Variants in ARHGAP42 observed in about 807,000 individuals in gnomAD.
The protein encoded by ARHGAP42 is rho GTPase-activating protein 42.
ARHGAP42 carries 63 observed loss-of-function variants against 125.0 expected under a neutral mutation model. The observed-to-expected ratio is 0.50, with a 90% CI of 0.41 to 0.62. ARHGAP42 has a LOEUF of 0.62. Among genes scored for constraint, ARHGAP42 ranks in the 20% least tolerant of loss-of-function variants. ARHGAP42 has a pLI of 0.00. For synonymous variants in ARHGAP42, 339 were observed against 351.0 expected (o/e 0.97, Z 0.38); for missense variants, 766 against 1,024.2 (o/e 0.75, Z 3.44).
intron 3 of ARHGAP42, among the ~76,000 whole-genome samples, chr11:100,851,270 A>C (rs1368003640): frequency 6.6e-6 from 1 of 152,198 alleles, no homozygotes; most frequent in Non-Finnish European, 1.5e-5. Flanking sequence ...AATGTTAGCT[A>C]TAAACATTAT....
intron 2 of ARHGAP42, among the ~76,000 whole-genome samples, chr11:100,779,530 G>GTATATACACGTA (rs1863230923): frequency 3.5e-5 from 4 of 114,842 alleles, no homozygotes; most frequent in East Asian, 2.8e-4. Flanking sequence ...GTATACATGC[G>GTATATACACGTA]TATATATACG....
rs538392168 is a variant in ARHGAP42 at position 100,971,273 on chromosome 11, A to C, written c.1551-1902A>C. The stretch of plus-strand genomic sequence containing the variant: ...TTATGATTTTTTCTCTGTTTATTGG[A>C]TCCATGGGGCTCCTTATGTTCTACC... On this transcript the variant is annotated intron_variant, in intron 17 of 23. Transcript: ENST00000298815. Among the ~76,000 whole-genome samples, 129 of 152,088 alleles carry C rather than the reference A, an allele frequency of 8.5e-4. 1 individual carries two copies. In the Middle Eastern group the frequency reaches 0.01, roughly 12 times the overall value.
At chr11:100,773,280 T>G (rs1032544981) in intron 2 of ARHGAP42, among the ~76,000 whole-genome samples, 1 of 152,220 alleles carries the variant, frequency 6.6e-6, no homozygotes, top group African/African-American at 2.4e-5. Flanking sequence ...ATAATTTTCC[T>G]TATAAACTTT....
chr11:100,823,828 C>T (rs1257553349), intron 3 of ARHGAP42, among the ~76,000 whole-genome samples: 1 of 152,102 alleles, frequency 6.6e-6, no homozygotes, highest in Non-Finnish European at 1.5e-5. Flanking sequence ...CTGAGAAGCT[C>T]TTATGATGAT....
At chr11:100,813,315 T>A (rs554845952) in intron 3 of ARHGAP42, among the ~76,000 whole-genome samples, 1 of 152,290 alleles carries the variant, frequency 6.6e-6, no homozygotes, top group South Asian at 2.1e-4. Flanking sequence ...ACAACCAGTG[T>A]CTCCAGACAT....
chr11:100,816,535 C>T (rs1451360075), intron 3 of ARHGAP42, among the ~76,000 whole-genome samples: 1 of 152,130 alleles, frequency 6.6e-6, no homozygotes, highest in African/African-American at 2.4e-5. Context: ...ATTGTCAAAA[C>T]ATCAAACATT....
In ARHGAP42 at chr11:100,746,358, C is replaced by T. The variant is rs78311072; in HGVS notation, c.155-23985C>T. 8.4e-3 allele frequency among the ~76,000 whole-genome samples: 1,282 copies of T among 152,222 alleles called. 17 individuals are homozygous for T. Among genetic ancestry groups the T allele is most frequent in the Non-Finnish European group, 0.014 (925 of 68,010 alleles). ...GATATAGCAGAGAGAGACATTGGCA[C>T]GATTTGTTACCCCAGGCTGTAGAAT... On this transcript the variant is annotated intron_variant, in intron 1 of 23. Coordinates refer to ENST00000298815, the MANE Select transcript of ARHGAP42 (RefSeq NM_152432.4).
intron 4 of ARHGAP42, among the ~76,000 whole-genome samples, chr11:100,899,722 G>GTTTTTTTTTTTT (rs767815247): frequency 1.2e-4 from 8 of 67,226 alleles, no homozygotes; most frequent in East Asian, 6.8e-4. Flanking sequence ...TTTGTGTTTT[G>GTTTTTTTTTTTT]TTTTTTTTTT....
intron 4 of ARHGAP42, among the ~76,000 whole-genome samples, chr11:100,878,884 C>CAT (rs1010692468): frequency 1.0e-3 from 150 of 150,614 alleles, no homozygotes; most frequent in African/African-American, 2.9e-3. Context: ...TGGGGAGTTA[C>CAT]ATATATATAT....
intron 1 of ARHGAP42, among the ~76,000 whole-genome samples, chr11:100,708,323 G>A (rs912151302): frequency 1.3e-5 from 2 of 152,172 alleles, no homozygotes; most frequent in African/African-American, 4.8e-5. Flanking sequence ...ACCAGCCTAG[G>A]CAACATAGCG....
In ARHGAP42 at chr11:100,982,569, TA is replaced by T. The variant is rs1858572024; in HGVS notation, c.2456+3521del. ...AGCCAAATGTAGCTAGGCTGTGTCT[TA>T]CCATTATAAAGGCATGTGGAAAATA... On this transcript the variant is annotated intron_variant, in intron 22 of 23. Coordinates refer to ENST00000298815, the MANE Select transcript of ARHGAP42 (RefSeq NM_152432.4). Among the ~76,000 whole-genome samples, 4 of 152,340 alleles carry T rather than the reference TA, an allele frequency of 2.6e-5. No individual in the cohort carries two copies. In the South Asian group the frequency reaches 8.3e-4, roughly 32 times the overall value.
intron 4 of ARHGAP42, among the ~76,000 whole-genome samples, chr11:100,860,359 T>G (rs929218996): frequency 6.6e-6 from 1 of 152,112 alleles, no homozygotes; most frequent in Non-Finnish European, 1.5e-5. Flanking sequence ...ATATTTGAAA[T>G]AGCCTACTAA....
At chr11:100,699,594 C>G (rs981816271) in intron 1 of ARHGAP42, among the ~76,000 whole-genome samples, 3 of 132,916 alleles carry the variant, frequency 2.3e-5, no homozygotes, top group African/African-American at 8.4e-5. Context: ...GTGATCTCGG[C>G]TCACTGCAAC....
intron 4 of ARHGAP42, among the ~76,000 whole-genome samples, chr11:100,860,184 A>C (rs1865413840): frequency 6.6e-6 from 1 of 152,046 alleles, no homozygotes; most frequent in African/African-American, 2.4e-5. Flanking sequence ...AGCATATAAA[A>C]CTTAAGGTTT....
Position 100,976,405 on chromosome 11 carries a change from C to T in ARHGAP42, c.2204C>T (p.Ala735Val). The change falls in exon 20 of 24, where the codon GCT becomes GTT. Residue 735 changes from alanine to valine, a missense_variant. By Grantham distance (64) the Ala-to-Val change is moderately conservative. This residue lies in a region of ARHGAP42 where 308 missense variants were observed against 369.7 expected (regional missense o/e 0.83). Coordinates refer to ENST00000298815, the MANE Select transcript of ARHGAP42 (RefSeq NM_152432.4). ...YGLSGLKRAS[A>V]SSLRSISAAE... ...CTTTCAGGACTGAAAAGAGCTTCTG[C>T]TTCTTCTCTCAGATCCATCTCTGCA... 6.5e-7 allele frequency: 1 copy of T among 1,539,372 alleles called. No homozygotes were observed. Among genetic ancestry groups the T allele is most frequent in the Non-Finnish European group, 8.7e-7 (1 of 1,143,348 alleles).
chr11:100,745,840 G>A (rs4754697), intron 1 of ARHGAP42, among the ~76,000 whole-genome samples: 73,631 of 151,936 alleles, frequency 0.48, 18,029 homozygotes, highest in African/African-American at 0.57. Flanking sequence ...AATAGATGTA[G>A]TTTATCCAAT....
intron 17 of ARHGAP42, among the ~76,000 whole-genome samples, chr11:100,969,342 T>C (rs1858179345): frequency 6.6e-6 from 1 of 152,164 alleles, no homozygotes; most frequent in Non-Finnish European, 1.5e-5. Context: ...TGGATATCTT[T>C]GCAATTATTC....
intron 3 of ARHGAP42, among the ~76,000 whole-genome samples, chr11:100,813,854 C>T (rs545372220): frequency 1.1e-3 from 168 of 152,160 alleles, no homozygotes; most frequent in Middle Eastern, 3.4e-3. Flanking sequence ...ATAAGACTGG[C>T]GGCAACATGT....
At chr11:100,811,085 A>G (rs1387307637) in intron 3 of ARHGAP42, among the ~76,000 whole-genome samples, 2 of 152,064 alleles carry the variant, frequency 1.3e-5, no homozygotes. Flanking sequence ...CCTCTTCAGT[A>G]GCTGGCATTA....
Sources: allele counts gnomAD v4.1 joint callset (sites outside exome capture counted in the v4.1 genomes callset), GRCh38; gene constraint gnomAD v4.1.1; regional missense constraint gnomAD v4.1.1; transcripts MANE v1.5; gene names NCBI Gene and HGNC (gene_info 2026-07-23, HGNC 2026-07-21).